The following SMC6 variants were observed in gnomAD, a reference collection of about 807,000 sequenced individuals.
SMC6 encodes the protein structural maintenance of chromosomes protein 6.
In SMC6, 79 loss-of-function variants were observed where a neutral mutation model predicts 142.2. That is an observed-to-expected ratio of 0.56 (90% CI 0.46 to 0.67). The LOEUF (loss-of-function observed/expected upper bound fraction) is 0.67, where lower values mean the gene tolerates loss of function less well. SMC6 is among the 30% of genes least tolerant of loss of function. The probability of loss-of-function intolerance (pLI) is 0.00; values close to 1 mark genes in which losing one functional copy is unlikely to be tolerated. For synonymous variants in SMC6, 411 were observed against 412.4 expected, an observed-to-expected ratio of 1.00 and a Z score of 0.04; for missense variants, 1,072 against 1,284.0, an observed-to-expected ratio of 0.83 and a Z score of 2.52.
At chr2:17,713,525 T>C in intron 16 of SMC6, 1 of 471,154 alleles carries the variant, frequency 2.1e-6, no homozygotes, top group Non-Finnish European at 4.4e-6. Flanking sequence ...TCAGAGTCTT[T>C]GTGTCAGTTC....
chr2:17,692,458 G>A (rs1398448054), intron 23 of SMC6, among the ~76,000 whole-genome samples: 6 of 152,154 alleles, frequency 3.9e-5, no homozygotes, highest in African/African-American at 1.4e-4. Context: ...AATGGGCGAA[G>A]GATTCCCTAT....
At chr2:17,675,654 G>C (rs1666964558) in intron 25 of SMC6, among the ~76,000 whole-genome samples, 1 of 152,010 alleles carries the variant, frequency 6.6e-6, no homozygotes, top group East Asian at 1.9e-4. Context: ...AACCAATTCT[G>C]CTAGCACTTT....
intron 23 of SMC6, among the ~76,000 whole-genome samples, chr2:17,686,604 C>T (rs1558333816): frequency 1.3e-5 from 2 of 152,098 alleles, no homozygotes; most frequent in Non-Finnish European, 2.9e-5. Flanking sequence ...GCAGTAAAAA[C>T]GCAGGTACAC....
intron 16 of SMC6, among the ~76,000 whole-genome samples, chr2:17,709,463 T>C (rs1428660022): frequency 6.6e-6 from 1 of 152,116 alleles, no homozygotes; most frequent in African/African-American, 2.4e-5. Flanking sequence ...ATACTAAGAA[T>C]AGGAGGTACA....
chr2:17,739,479 T>C (rs1330526872), intron 4 of SMC6, among the ~76,000 whole-genome samples: 1 of 152,012 alleles, frequency 6.6e-6, no homozygotes, highest in Non-Finnish European at 1.5e-5. Context: ...ACCCCATTTC[T>C]ACTAAAAATA....
chr2:17,726,567 C>G (rs2125031813), intron 7 of SMC6, 98 bp from the exon 8 acceptor site: 1 of 905,962 alleles, frequency 1.1e-6, no homozygotes. Context: ...ATGGTGCCAT[C>G]AGGAAGGCCA....
intron 3 of SMC6, among the ~76,000 whole-genome samples, chr2:17,743,380 C>T (rs1191915056): frequency 2.0e-5 from 3 of 151,960 alleles, no homozygotes; most frequent in Non-Finnish European, 4.4e-5. Context: ...CATATTAGTC[C>T]TGTACATATT....
chr2:17,709,784 C>T (rs1039098205), intron 16 of SMC6, among the ~76,000 whole-genome samples: 6 of 152,088 alleles, frequency 3.9e-5, no homozygotes, highest in African/African-American at 1.4e-4. Flanking sequence ...CGAGAAAAAG[C>T]CTCACTAAGG....
At chr2:17,744,523 A>C (rs897762833) in intron 3 of SMC6, among the ~76,000 whole-genome samples, 1 of 152,138 alleles carries the variant, frequency 6.6e-6, no homozygotes, top group Non-Finnish European at 1.5e-5. Context: ...TAATCTGCAA[A>C]CAGAGACAGT....
chr2:17,725,446 A>G (rs1669568501), intron 8 of SMC6, 88 bp from the exon 9 acceptor site: 1 of 861,336 alleles, frequency 1.2e-6, no homozygotes, highest in African/African-American at 1.7e-5. Flanking sequence ...TTAGTTTCTG[A>G]AAACTTTTAG....
intron 26 of SMC6, among the ~76,000 whole-genome samples, chr2:17,669,335 A>G (rs1666648953): frequency 6.6e-6 from 1 of 152,182 alleles, no homozygotes; most frequent in Non-Finnish European, 1.5e-5. Context: ...CTGGGTCTAG[A>G]GTACAGGAGA....
chr2:17,686,856 G>A (rs895218294), intron 23 of SMC6, among the ~76,000 whole-genome samples: 4 of 152,124 alleles, frequency 2.6e-5, no homozygotes, highest in African/African-American at 4.8e-5. Context: ...AGATAGTAAC[G>A]TCTTCACTTT....
intron 3 of SMC6, among the ~76,000 whole-genome samples, chr2:17,743,006 TTAAA>T (rs1670555406): frequency 6.6e-6 from 1 of 152,204 alleles, no homozygotes; most frequent in Non-Finnish European, 1.5e-5. Context: ...TTCTAAAATG[TTAAA>T]TAAATGGAAA....
At chr2:17,726,556 T>C (rs1669639628) in intron 7 of SMC6, 87 bp from the exon 8 acceptor site, 4 of 1,071,570 alleles carry the variant, frequency 3.7e-6, no homozygotes, top group Non-Finnish European at 4.1e-6. Flanking sequence ...ACAAGTGACC[T>C]ATGGTGCCAT....
intron 4 of SMC6, among the ~76,000 whole-genome samples, chr2:17,740,339 C>G (rs1032675867): frequency 6.6e-6 from 1 of 152,162 alleles, no homozygotes; most frequent in African/African-American, 2.4e-5. Context: ...TACACATAAC[C>G]TAGCTTCCTA....
intron 5 of SMC6, among the ~76,000 whole-genome samples, chr2:17,733,273 T>C (rs539504236): frequency 2.0e-5 from 3 of 152,232 alleles, no homozygotes; most frequent in South Asian, 2.1e-4. Flanking sequence ...TGCTCCACCA[T>C]CCTTTTCTGT....
chr2:17,689,345 G>A (rs776427019), intron 23 of SMC6, among the ~76,000 whole-genome samples: 1 of 152,126 alleles, frequency 6.6e-6, no homozygotes, highest in Non-Finnish European at 1.5e-5. Flanking sequence ...ATCTGATATC[G>A]TAGGAAAGAC....
chr2:17,678,962 C>T lies in SMC6; in HGVS notation c.2807G>A (p.Cys936Tyr). 3 of 1,606,616 alleles carry T rather than the reference C, an allele frequency of 1.9e-6. No homozygotes were observed. Among genetic ancestry groups the T allele is most frequent in the East Asian group, 2.2e-5 (1 of 44,736 alleles). Residue 936 changes from cysteine to tyrosine, a missense_variant and splice_region_variant, in exon 25 of 28, where the codon TGT becomes TAT. Cys to Tyr is a radical substitution (Grantham distance 194, BLOSUM62 -2). Coordinates refer to ENST00000448223, the MANE Select transcript of SMC6 (RefSeq NM_001142286.2). ...GTATAATTTGCATCGTAAAGTCAAA[C>T]ACCTTGAAATTTAAAAATTAGGCAC... is the stretch of plus-strand genomic sequence containing the variant. ...RFKTYQQFRR[C>Y]LTLRCKLYFD...
rs1297409788 is a variant in SMC6, at chr2:17,703,057, GT to G, written c.2142+99del. 7.9e-5 allele frequency: 58 copies of G among 734,928 alleles called. No homozygotes were observed. In the African/African-American group the frequency reaches 1.0e-3, roughly 13 times the overall value. The allele number at this position is 734,928 out of a possible 1,614,324, so 45.5% of individuals were successfully genotyped here. ...GTGTAAAGGGGCTTGAGGCCAAAAGGTTTGAGAATTGCTTGGAGTCAATAAT... is the reference window on the plus strand; with the variant it reads ...GTGTAAAGGGGCTTGAGGCCAAAAGGTTGAGAATTGCTTGGAGTCAATAAT... On this transcript the variant is annotated intron_variant, in intron 19 of 27. Coordinates refer to ENST00000448223, the MANE Select transcript of SMC6 (RefSeq NM_001142286.2).
Sources: gnomAD v4.1 joint callset for allele counts (sites outside exome capture counted in the v4.1 genomes callset) on GRCh38, gnomAD v4.1.1 for gene constraint, MANE v1.5 for transcripts, NCBI Gene and HGNC (gene_info 2026-07-23, HGNC 2026-07-21) for gene names.